BTBD9: variants seen among roughly 807,000 people sequenced by gnomAD.
BTBD9 encodes BTB/POZ domain-containing protein 9.
A neutral mutation model predicts 64.3 loss-of-function variants in BTBD9; 49 were observed. The observed-to-expected ratio is 0.76, with a 90% CI of 0.61 to 0.97. BTBD9 has a LOEUF of 0.97. Among genes scored for constraint, BTBD9 ranks in the 50% least tolerant of loss-of-function variants. The pLI is 0.00. For missense variants in BTBD9, 598 were observed against 762.1 expected, an observed-to-expected ratio of 0.78 and a Z score of 2.53; for synonymous variants, 260 against 274.7, an observed-to-expected ratio of 0.95 and a Z score of 0.53.
chr6:38,385,304 C>T (rs1766104877), intron 6 of BTBD9, among the ~76,000 whole-genome samples: 1 of 151,432 alleles, frequency 6.6e-6, no homozygotes, highest in African/African-American at 2.4e-5. Context: ...ATTCTCCCAC[C>T]TCAGCCTCCC....
chr6:38,607,722 T>G (rs1163344174), intron 1 of BTBD9, among the ~76,000 whole-genome samples: 1 of 151,504 alleles, frequency 6.6e-6, no homozygotes, highest in Non-Finnish European at 1.5e-5. Context: ...GAGAAGCTAC[T>G]CCTTTATTAT....
At chr6:38,537,119 A>G (rs1774053798) in intron 6 of BTBD9, among the ~76,000 whole-genome samples, 1 of 152,196 alleles carries the variant, frequency 6.6e-6, no homozygotes, top group Non-Finnish European at 1.5e-5. Flanking sequence ...ACCCACAAAA[A>G]TTAAAAATAA....
chr6:38,175,303 T>C (rs541285188), intron 10 of BTBD9, 121 bp from the exon 11 acceptor site: 1 of 988,536 alleles, frequency 1.0e-6, no homozygotes, highest in Non-Finnish European at 1.5e-6. Context: ...TTAGAGGAGG[T>C]CCTTCCCACT....
chr6:38,418,938 G>C (rs1582398347), intron 6 of BTBD9, among the ~76,000 whole-genome samples: 1 of 152,050 alleles, frequency 6.6e-6, no homozygotes, highest in African/African-American at 2.4e-5. Context: ...GTGAGACCCT[G>C]TCTCTAAAAA....
At chr6:38,266,014 T>A (rs1764960470) in intron 8 of BTBD9, among the ~76,000 whole-genome samples, 4 of 152,202 alleles carry the variant, frequency 2.6e-5, no homozygotes, top group Non-Finnish European at 4.4e-5. Context: ...CCACCTCACA[T>A]TCACACAGTC....
chr6:38,538,100 T>C (rs1774104704), intron 6 of BTBD9, among the ~76,000 whole-genome samples: 1 of 152,200 alleles, frequency 6.6e-6, no homozygotes, highest in African/African-American at 2.4e-5. Flanking sequence ...CTAATAGTTA[T>C]TGATAAAATT....
At chr6:38,176,695 T>C (rs538642015) in intron 10 of BTBD9, among the ~76,000 whole-genome samples, 8 of 152,166 alleles carry the variant, frequency 5.3e-5, no homozygotes, top group Non-Finnish European at 5.9e-5. Flanking sequence ...CTGAACACTA[T>C]TTGGGCCATC....
At chr6:38,595,874 C>T in intron 2 of BTBD9, 1 of 985,332 alleles carries the variant, frequency 1.0e-6, no homozygotes, top group Non-Finnish European at 1.2e-6. Context: ...AGAACTTCTC[C>T]TTCTCGGGGA....
chr6:38,596,576 G>A (rs13214969), intron 2 of BTBD9, among the ~76,000 whole-genome samples: 13,246 of 151,752 alleles, frequency 0.087, 706 homozygotes, highest in Middle Eastern at 0.19. Context: ...TGAGGCGGGC[G>A]GATCACAAGG....
Position 38,438,206 on chromosome 6 carries a change from AGGAG to A in BTBD9, c.1155-93117_1155-93114del, listed in dbSNP as rs748681270. Among the ~76,000 whole-genome samples, 897 of 98,126 alleles carry A rather than the reference AGGAG, an allele frequency of 9.1e-3. 12 individuals carry two copies. The highest frequency in any genetic ancestry group is 0.012 in the Non-Finnish European group (626 of 51,214). 64.4% of individuals were successfully genotyped at this position (98,126 alleles called of 152,430 possible). ...AAGGAAGGAGGAAAGGAGGAAAGGAAGGAGGGAGGGAGGGAGGGAGGGAGGGAGG... is the reference window on the plus strand; with the variant it reads ...AAGGAAGGAGGAAAGGAGGAAAGGAAGGAGGGAGGGAGGGAGGGAGGGAGG... On this transcript the variant is annotated intron_variant, in intron 6 of 10. Coordinates refer to ENST00000481247, the MANE Select transcript of BTBD9 (RefSeq NM_001099272.2).
chr6:38,343,876 G>C (rs1364101320), intron 7 of BTBD9, among the ~76,000 whole-genome samples: 1 of 152,150 alleles, frequency 6.6e-6, no homozygotes, highest in African/African-American at 2.4e-5. Flanking sequence ...GCAGGTGTTA[G>C]GAAAATTTAG....
intron 6 of BTBD9, among the ~76,000 whole-genome samples, chr6:38,400,443 C>T (rs993109323): frequency 6.6e-6 from 1 of 152,172 alleles, no homozygotes; most frequent in Non-Finnish European, 1.5e-5. Flanking sequence ...CCTCTAAGGG[C>T]CAAACCCCAT....
intron 7 of BTBD9, among the ~76,000 whole-genome samples, chr6:38,305,011 G>T (rs998627689): frequency 6.6e-6 from 1 of 150,976 alleles, no homozygotes; most frequent in Middle Eastern, 3.2e-3. Context: ...TATTCCCACC[G>T]CCAAGAAACA....
intron 6 of BTBD9, among the ~76,000 whole-genome samples, chr6:38,565,188 T>C (rs1181494706): frequency 1.3e-5 from 2 of 152,232 alleles, no homozygotes; most frequent in Non-Finnish European, 2.9e-5. Context: ...AAAGATATTC[T>C]AATTCAACCC....
chr6:38,265,693 A>AT (rs1037002760), intron 8 of BTBD9, among the ~76,000 whole-genome samples: 12 of 151,840 alleles, frequency 7.9e-5, no homozygotes, highest in African/African-American at 2.4e-4. Flanking sequence ...AATTTTTTGT[A>AT]TTTTTTTGTA....
chr6:38,510,756 T>G (rs1170293614), intron 6 of BTBD9, among the ~76,000 whole-genome samples: 1 of 152,172 alleles, frequency 6.6e-6, no homozygotes, highest in African/African-American at 2.4e-5. Flanking sequence ...TATATTAGCC[T>G]AGGCCTACAC....
At chr6:38,634,332 G>A (rs1012913980) in intron 1 of BTBD9, among the ~76,000 whole-genome samples, 7 of 152,080 alleles carry the variant, frequency 4.6e-5, no homozygotes, top group South Asian at 2.1e-4. Flanking sequence ...AAGAATATTG[G>A]CAAGCAAAGA....
At chr6:38,366,686 T>C (rs1765195389) in intron 6 of BTBD9, among the ~76,000 whole-genome samples, 1 of 152,224 alleles carries the variant, frequency 6.6e-6, no homozygotes, top group East Asian at 1.9e-4. Flanking sequence ...ACAACTGTGA[T>C]TGGTCCCATG....
At chr6:38,458,662 T>C (rs1177673506) in intron 6 of BTBD9, among the ~76,000 whole-genome samples, 1 of 152,232 alleles carries the variant, frequency 6.6e-6, no homozygotes, top group Non-Finnish European at 1.5e-5. Flanking sequence ...TTTCAAAATA[T>C]ACTGTGAGTT....
Sources: gnomAD v4.1 joint callset for allele counts (sites outside exome capture counted in the v4.1 genomes callset) on GRCh38, gnomAD v4.1.1 for gene constraint, MANE v1.5 for transcripts, NCBI Gene and HGNC (gene_info 2026-07-23, HGNC 2026-07-21) for gene names.